TAFA4: variants seen among roughly 807,000 people sequenced by gnomAD.
TAFA4 encodes chemokine-like protein TAFA-4.
In TAFA4, 20 loss-of-function variants were observed where a neutral mutation model predicts 21.1. The ratio of observed to expected loss-of-function variants is 0.95; its 90% CI spans 0.67 to 1.38. TAFA4 has a LOEUF of 1.38. Among genes scored for constraint, TAFA4 ranks in the 40% most tolerant of loss-of-function variants. The pLI is 0.00. For missense variants in TAFA4, 211 were observed against 180.9 expected (o/e 1.17, Z -0.95); for synonymous variants, 71 against 67.4 (o/e 1.05, Z -0.26).
intron 3 of TAFA4, among the ~76,000 whole-genome samples, chr3:68,776,888 A>G (rs1703058193): frequency 6.6e-6 from 1 of 152,156 alleles, no homozygotes; most frequent in Non-Finnish European, 1.5e-5. Context: ...ACAAATTACT[A>G]AATAATCATC....
chr3:68,879,667 T>C (rs1332471755), intron 3 of TAFA4, among the ~76,000 whole-genome samples: 1 of 152,166 alleles, frequency 6.6e-6, no homozygotes, highest in Admixed American at 6.5e-5. Context: ...AACTGTCACT[T>C]GAGGAGGGAA....
chr3:68,753,334 G>GTT (rs4065540), intron 3 of TAFA4, among the ~76,000 whole-genome samples: 16,531 of 114,306 alleles, frequency 0.14, 1,812 homozygotes, highest in African/African-American at 0.24. Context: ...GATTGATAGA[G>GTT]TTTTTTTTTT....
At chr3:68,897,261 G>A (rs2089800418) in intron 1 of TAFA4, among the ~76,000 whole-genome samples, 1 of 152,148 alleles carries the variant, frequency 6.6e-6, no homozygotes, top group South Asian at 2.1e-4. Context: ...CAAATTTATA[G>A]TTCATCTTCA....
intron 2 of TAFA4, among the ~76,000 whole-genome samples, chr3:68,884,168 T>C (rs2089647792): frequency 1.3e-5 from 2 of 152,238 alleles, no homozygotes. Context: ...GGGCCTGTCT[T>C]GCCTTCAGAT....
intron 3 of TAFA4, among the ~76,000 whole-genome samples, chr3:68,868,945 T>C (rs1254321613): frequency 2.0e-5 from 3 of 151,746 alleles, no homozygotes; most frequent in Admixed American, 2.0e-4. Flanking sequence ...GTTGTTTTTT[T>C]GCAGAGATAA....
intron 1 of TAFA4, among the ~76,000 whole-genome samples, chr3:68,908,522 GA>G (rs5849869): frequency 0.97 from 142,697 of 147,588 alleles, 69,099 homozygotes; most frequent in Middle Eastern, 1. Context: ...AAGCAAAAGT[GA>G]AAAAAAAAAA....
At chr3:68,890,935 A>T (rs1443914227) in intron 1 of TAFA4, among the ~76,000 whole-genome samples, 1 of 152,212 alleles carries the variant, frequency 6.6e-6, no homozygotes, top group Non-Finnish European at 1.5e-5. Context: ...ATATTGCCTC[A>T]TCTCTGAAAA....
rs953705926 is a variant in TAFA4, at chr3:68,843,542, T to A, written c.130+37188A>T. Among the ~76,000 whole-genome samples the A allele has an allele frequency of 2.0e-5, 3 of 152,242 alleles. No homozygotes were observed. In the East Asian group the frequency reaches 5.8e-4, roughly 29 times the overall value. On this transcript the variant is annotated intron_variant, in intron 3 of 5. Coordinates refer to ENST00000295569, the MANE Select transcript of TAFA4 (RefSeq NM_182522.5). The stretch of plus-strand genomic sequence containing the variant: ...CTTGCCTGATTGCCCCAGCCAGAAC[T>A]TCCTATATTATGTTGAATAGGAGTG...
intron 1 of TAFA4, among the ~76,000 whole-genome samples, chr3:68,922,758 T>C (rs1559564486): frequency 6.6e-6 from 1 of 152,230 alleles, no homozygotes; most frequent in Non-Finnish European, 1.5e-5. Context: ...ACCTTAACTT[T>C]CAGTCTTGAG....
Position 68,846,828 on chromosome 3 carries a change from G to A in TAFA4, c.130+33902C>T, listed in dbSNP as rs546753598. ...TGGAGGTCCGCTCCAGACCCTGTTT[G>A]CCTGGGTATCACCAGTGGAGGCTGC... On this transcript the variant is annotated intron_variant, in intron 3 of 5. Transcript: ENST00000295569. Among the ~76,000 whole-genome samples, 233 of 152,278 alleles carry A rather than the reference G, an allele frequency of 1.5e-3. 1 individual carries two copies. The highest frequency in any genetic ancestry group is 5.4e-3 in the African/African-American group (223 of 41,568).
At position 68,732,571 on chromosome 3, in the gene TAFA4, A is replaced by ATAATCCAACTATGTCCTTCTATT. The variant is rs1035301931; in HGVS notation, c.*548_*570dup. On this transcript the variant is annotated 3_prime_UTR_variant, in exon 6 of 6. Coordinates refer to ENST00000295569, the MANE Select transcript of TAFA4 (RefSeq NM_182522.5). ...GAAGTAAAAATACAATGCACACACA[A>ATAATCCAACTATGTCCTTCTATT]TAATCCAACTATGTCCTTCTATTCT... is the stretch of plus-strand genomic sequence containing the variant. 1 of 152,694 alleles carries ATAATCCAACTATGTCCTTCTATT rather than the reference A, an allele frequency of 6.5e-6. No homozygotes were observed. The highest frequency in any genetic ancestry group is 2.4e-5 in the African/African-American group (1 of 41,458). 9.5% of individuals were successfully genotyped at this position (152,694 alleles called of 1,614,324 possible).
At chr3:68,926,450 GC>G (rs2090108746) in intron 1 of TAFA4, among the ~76,000 whole-genome samples, 2 of 152,180 alleles carry the variant, frequency 1.3e-5, no homozygotes, top group South Asian at 4.2e-4. Flanking sequence ...CAAAACAGAA[GC>G]CTAGGGTGAT....
At chr3:68,865,021 A>G (rs965712281) in intron 3 of TAFA4, among the ~76,000 whole-genome samples, 2 of 152,100 alleles carry the variant, frequency 1.3e-5, no homozygotes, top group Non-Finnish European at 2.9e-5. Flanking sequence ...GGGTTTATTC[A>G]TTACTTTTAT....
intron 3 of TAFA4, among the ~76,000 whole-genome samples, chr3:68,830,207 A>T (rs1027193657): frequency 6.6e-6 from 1 of 151,824 alleles, no homozygotes; most frequent in Non-Finnish European, 1.5e-5. Flanking sequence ...CTCTGATCTT[A>T]GTTATTTCTT....
chr3:68,926,044 C>T (rs939593165), intron 1 of TAFA4, among the ~76,000 whole-genome samples: 2 of 152,084 alleles, frequency 1.3e-5, no homozygotes, highest in African/African-American at 4.8e-5. Flanking sequence ...CCAGCCTGGT[C>T]AACATGGTGA....
In TAFA4 at chr3:68,839,726, T is replaced by C. The variant is rs565516650; in HGVS notation, c.130+41004A>G. On this transcript the variant is annotated intron_variant, in intron 3 of 5. Coordinates refer to ENST00000295569, the MANE Select transcript of TAFA4 (RefSeq NM_182522.5). ...TTAGAGGAGTTAACTTTGAGATGAGTTGATCCTTCACTACAGAAGTTTGTT... is the reference window on the plus strand; with the variant it reads ...TTAGAGGAGTTAACTTTGAGATGAGCTGATCCTTCACTACAGAAGTTTGTT... Among the ~76,000 whole-genome samples, 149 of 152,236 alleles carry C rather than the reference T, an allele frequency of 9.8e-4. 1 individual carries two copies. The South Asian group carries it at 0.019, about 20-fold the overall frequency.
At chr3:68,916,591 C>G (rs1182496225) in intron 1 of TAFA4, among the ~76,000 whole-genome samples, 1 of 152,256 alleles carries the variant, frequency 6.6e-6, no homozygotes, top group Admixed American at 6.5e-5. Context: ...TTTCACCCCA[C>G]ATGTAACAAT....
chr3:68,901,886 T>C (rs139909997), intron 1 of TAFA4, among the ~76,000 whole-genome samples: 568 of 152,310 alleles, frequency 3.7e-3, no homozygotes, highest in South Asian at 8.5e-3. Context: ...ATTAGACCTC[T>C]CTGAACCTCA....
intron 4 of TAFA4, among the ~76,000 whole-genome samples, chr3:68,743,745 T>C (rs1238270898): frequency 2.6e-5 from 4 of 152,176 alleles, no homozygotes; most frequent in Non-Finnish European, 5.9e-5. Flanking sequence ...AGCCAGATGG[T>C]ACCACAGATA....
Sources: gnomAD v4.1 joint callset for allele counts (sites outside exome capture counted in the v4.1 genomes callset) on GRCh38, gnomAD v4.1.1 for gene constraint, MANE v1.5 for transcripts, NCBI Gene and HGNC (gene_info 2026-07-23, HGNC 2026-07-21) for gene names.